ASPA: variants seen among roughly 807,000 people sequenced by gnomAD.
The protein encoded by ASPA is ACY-2.
ASPA carries 25 observed loss-of-function variants against 29.6 expected under a neutral mutation model. The ratio of observed to expected loss-of-function variants is 0.85; its 90% CI spans 0.62 to 1.18. ASPA has a LOEUF of 1.18. Among genes scored for constraint, ASPA ranks in the 50% most tolerant of loss-of-function variants. The pLI is 0.00. For synonymous variants in ASPA, 131 were observed against 130.3 expected (o/e 1.01, Z -0.04); for missense variants, 333 against 385.7 (o/e 0.86, Z 1.14).
At chr17:3,481,873 C>T in intron 2 of ASPA, 75 bp downstream of exon 2, 1 of 1,336,518 alleles carries the variant, frequency 7.5e-7, no homozygotes, top group Non-Finnish European at 1.0e-6. Flanking sequence ...GTGAGACAAT[C>T]AGAAAACAGT....
chr17:3,492,364 T>A (rs2073839557), intron 4 of ASPA, among the ~76,000 whole-genome samples: 1 of 152,196 alleles, frequency 6.6e-6, no homozygotes, highest in Non-Finnish European at 1.5e-5. Context: ...TCCTTTGTGT[T>A]CTATCAGTTT....
rs8075119 is a variant in ASPA at position 3,490,266 on chromosome 17, C to T, written c.634+924C>T. 0.27 allele frequency among the ~76,000 whole-genome samples: 40,916 copies of T among 151,972 alleles called. 6,007 individuals are homozygous for T. The highest frequency in any genetic ancestry group is 0.42 in the East Asian group (2,157 of 5,170). On this transcript the variant is annotated intron_variant, in intron 4 of 5. Transcript: ENST00000263080. The surrounding 1 kb of genome is among the most constrained non-coding windows in gnomAD (Gnocchi z 4.6). ...TTTCTGTAATTAAAAATTAATTAAA[C>T]GGGGACTGGTGGACAAGGTGGGTAT...
At chr17:3,491,311 T>C (rs1261121752) in intron 4 of ASPA, among the ~76,000 whole-genome samples, 1 of 152,130 alleles carries the variant, frequency 6.6e-6, no homozygotes. Flanking sequence ...AGGGAGGTAA[T>C]GGTCTTTTTT....
At chr17:3,480,472 C>T (rs1314189021) in intron 1 of ASPA, among the ~76,000 whole-genome samples, 5 of 152,162 alleles carry the variant, frequency 3.3e-5, no homozygotes, top group African/African-American at 4.8e-5. Context: ...TCAGTTCCTA[C>T]GTGGGGACCA....
chr17:3,495,282 C>G (rs1290536075), intron 5 of ASPA, among the ~76,000 whole-genome samples: 3 of 152,154 alleles, frequency 2.0e-5, no homozygotes, highest in African/African-American at 7.2e-5. Context: ...CCCCGACTAA[C>G]CTTTACCTAG....
chr17:3,493,406 C>G (rs1199667764), intron 4 of ASPA, among the ~76,000 whole-genome samples: 1 of 151,760 alleles, frequency 6.6e-6, no homozygotes, highest in Non-Finnish European at 1.5e-5. Context: ...ACTAAAAATA[C>G]AAAAATTAGC....
At chr17:3,481,553 A>G (rs374917882) in intron 1 of ASPA, 50 bp from the exon 2 acceptor site, 2 of 1,517,874 alleles carry the variant, frequency 1.3e-6, no homozygotes, top group African/African-American at 2.7e-5. Context: ...ATATGTTTAT[A>G]TTATCTCAGG....
intron 3 of ASPA, among the ~76,000 whole-genome samples, chr17:3,486,399 G>A (rs1424837850): frequency 6.6e-6 from 1 of 152,168 alleles, no homozygotes; most frequent in Non-Finnish European, 1.5e-5. Flanking sequence ...ATATGCAGAA[G>A]ATCCATGAAG....
At chr17:3,479,651 G>A (rs903541167) in intron 1 of ASPA, among the ~76,000 whole-genome samples, 4 of 151,618 alleles carry the variant, frequency 2.6e-5, no homozygotes, top group Non-Finnish European at 4.4e-5. Flanking sequence ...CCGACTCGAC[G>A]TGGTCCCTTC....
In ASPA at chr17:3,490,037, C is replaced by T. The variant is rs1321562407; in HGVS notation, c.634+695C>T. Among the ~76,000 whole-genome samples the T allele has an allele frequency of 2.6e-5, 4 of 152,052 alleles. No homozygotes were observed. The highest frequency in any genetic ancestry group is 4.8e-5 in the African/African-American group (2 of 41,402). Reference sequence around the variant, plus strand: ...AATTAGCAGAAAGCAAGTTGCAGACCAAGACATTCAGTACACCAATTGGCT... The same window carrying T: ...AATTAGCAGAAAGCAAGTTGCAGACTAAGACATTCAGTACACCAATTGGCT... On this transcript the variant is annotated intron_variant, in intron 4 of 5. Transcript: ENST00000263080. This position sits in a 1 kb window ranked among gnomAD's most constrained non-coding sequence, Gnocchi z 4.6.
rs35886989 is a variant in ASPA at position 3,501,952 on chromosome 17, C to CAA, written c.*2885_*2886dup. The CAA allele has an allele frequency of 8.8e-5, 13 of 147,406 alleles. No individual in the cohort carries two copies. Among genetic ancestry groups the CAA allele is most frequent in the African/African-American group, 3.4e-4 (13 of 38,540 alleles). 9.1% of individuals were successfully genotyped at this position (147,406 alleles called of 1,614,324 possible). A position where few individuals can be genotyped will look rare whatever the true frequency, so the allele number is the denominator to read the frequency against. ...TGGTGGACACAGCAAGCCTCCATCT[C>CAA]AAAAAAAAAAAAAAAAAAAAAATGA... On this transcript the variant is annotated 3_prime_UTR_variant, in exon 6 of 6. Transcript: ENST00000263080.
chr17:3,494,573 GAC>G (rs1376686295), intron 5 of ASPA, 114 bp downstream of exon 5: 1 of 851,234 alleles, frequency 1.2e-6, no homozygotes. Flanking sequence ...GCTCTCATTA[GAC>G]ACTGAGTGTA....
intron 5 of ASPA, among the ~76,000 whole-genome samples, chr17:3,494,694 T>C (rs1277925305): frequency 2.6e-5 from 4 of 152,176 alleles, no homozygotes; most frequent in African/African-American, 7.2e-5. Context: ...ATGGAATTTA[T>C]AGTGTAGGTA....
intron 3 of ASPA, among the ~76,000 whole-genome samples, chr17:3,487,450 CAT>C (rs1486316007): frequency 6.6e-6 from 1 of 152,156 alleles, no homozygotes; most frequent in Non-Finnish European, 1.5e-5. Flanking sequence ...AAGGGCCAAA[CAT>C]ATCAGCAATG....
intron 3 of ASPA, among the ~76,000 whole-genome samples, chr17:3,484,785 C>T (rs1384861944): frequency 1.3e-5 from 2 of 152,148 alleles, no homozygotes; most frequent in Non-Finnish European, 2.9e-5. Flanking sequence ...AATTGGTGGA[C>T]CAGTCCCTGT....
At chr17:3,491,713 A>G (rs541023925) in intron 4 of ASPA, among the ~76,000 whole-genome samples, 10 of 151,990 alleles carry the variant, frequency 6.6e-5, no homozygotes, top group Non-Finnish European at 1.3e-4. Flanking sequence ...ATGCCACTGC[A>G]CTCCAGCCTC....
chr17:3,486,058 G>C (rs1338706939), intron 3 of ASPA, among the ~76,000 whole-genome samples: 1 of 151,624 alleles, frequency 6.6e-6, no homozygotes, highest in East Asian at 1.9e-4. Context: ...TCAGCCTCCT[G>C]AGTAGCTGGG....
At chr17:3,476,435 G>A in intron 1 of ASPA, 40 bp downstream of exon 1, 2 of 1,579,176 alleles carry the variant, frequency 1.3e-6, no homozygotes, top group Non-Finnish European at 1.7e-6. Context: ...TGTATGTTGT[G>A]TGAAAAGTGG....
intron 1 of ASPA, among the ~76,000 whole-genome samples, chr17:3,478,192 A>T (rs142097988): frequency 0.083 from 12,090 of 145,424 alleles, 681 homozygotes; most frequent in South Asian, 0.17. Context: ...CTCAAAAAAA[A>T]AAATATATAT....
Sources: allele counts gnomAD v4.1 joint callset (sites outside exome capture counted in the v4.1 genomes callset), GRCh38; gene constraint gnomAD v4.1.1; non-coding constraint Gnocchi (gnomAD v3.1); transcripts MANE v1.5; gene names NCBI Gene and HGNC (gene_info 2026-07-23, HGNC 2026-07-21).